The following VCP variants were observed in gnomAD, a reference collection of about 807,000 sequenced individuals.
The protein encoded by VCP is transitional endoplasmic reticulum ATPase.
Under a neutral mutation model 85.7 loss-of-function variants are expected in VCP, and 6 were observed. The observed-to-expected ratio is 0.07, with a 90% confidence interval of 0.04 to 0.14. The LOEUF is 0.14. VCP is among the 10% of genes least tolerant of loss of function. The pLI, the probability that VCP is intolerant of heterozygous loss-of-function variation, is 1.00. For synonymous variants in VCP, 384 were observed against 367.1 expected, an observed-to-expected ratio of 1.05 and a Z score of -0.53; for missense variants, 353 against 1,043.4, an observed-to-expected ratio of 0.34 and a Z score of 9.12.
At chr9:35,061,746 C>T in intron 9 of VCP, 57 bp from the exon 10 acceptor site, 1 of 1,499,398 alleles carries the variant, frequency 6.7e-7, no homozygotes, top group Non-Finnish European at 9.3e-7. Context: ...AGGTAAGAGA[C>T]AGGCCTAGGG....
In VCP at chr9:35,068,082, G is replaced by A. The variant is rs1294579654; in HGVS notation, c.130-19C>T. 1.2e-6 allele frequency: 2 copies of A among 1,614,158 alleles called. No homozygotes were observed. Among genetic ancestry groups the A allele is most frequent in the Non-Finnish European group, 1.7e-6 (2 of 1,180,042 alleles). ...TCTTGGGCTGAGGAAAGAAAGTTAA[G>A]GCCTTTGGGTCATTGGGCTGACGGG... On this transcript the variant is annotated intron_variant, in intron 2 of 16. Transcript: ENST00000358901.
In VCP at chr9:35,059,276, A is replaced by C. The variant is rs1828673706; in HGVS notation, c.2005-57T>G. The C allele has an allele frequency of 1.9e-6, 3 of 1,609,576 alleles. No individual in the cohort carries two copies. Among genetic ancestry groups the C allele is most frequent in the East Asian group, 2.2e-5 (1 of 44,798 alleles). On this transcript the variant is annotated intron_variant, in intron 14 of 16. Coordinates refer to ENST00000358901, the MANE Select transcript of VCP (RefSeq NM_007126.5). This position sits in a 1 kb window ranked among gnomAD's most constrained non-coding sequence, Gnocchi z 4.9. ...TAGCCTCTCCTCTCGAGATACGCAG[A>C]TCTTTGGGCTACCCGAGCACTCCCA... is the stretch of plus-strand genomic sequence containing the variant.
chr9:35,062,331 T>C lies in VCP; in HGVS notation c.831A>G (p.Lys277=). The change falls in exon 8 of 17, where the codon AAA becomes AAG. Residue 277 remains lysine (K), a synonymous_variant. Coordinates refer to ENST00000358901, the MANE Select transcript of VCP (RefSeq NM_007126.5). ...FLINGPEIMS[K]LAGESESNLR... is the part of the protein sequence containing the mutation. ...GGTTGCTCTCAGACTCACCAGCCAA[T>C]TTGCTCATGATCTCAGGACCTGAAA... 6.2e-7 allele frequency: 1 copy of C among 1,614,116 alleles called. No individual in the cohort carries two copies. Among genetic ancestry groups the C allele is most frequent in the Non-Finnish European group, 8.5e-7 (1 of 1,180,018 alleles).
chr9:35,072,140 G>A (rs749313890), intron 1 of VCP, 197 bp downstream of exon 1: 2 of 1,390,448 alleles, frequency 1.4e-6, no homozygotes, highest in Non-Finnish European at 9.3e-7. Context: ...GCCCCGCCTA[G>A]GGGGCGCGCG....
chr9:35,062,952 GACAT>G, intron 7 of VCP, 22 bp downstream of exon 7: 1 of 1,612,392 alleles, frequency 6.2e-7, no homozygotes, highest in East Asian at 2.2e-5. Flanking sequence ...GGTCTAGCTA[GACAT>G]AAGATGAACC....
At chr9:35,062,390 T>C (rs1828743936) in intron 7 of VCP, 40 bp from the exon 8 acceptor site, 1 of 1,613,544 alleles carries the variant, frequency 6.2e-7, no homozygotes, top group Admixed American at 1.7e-5. Flanking sequence ...AAAATGATAG[T>C]CTTTCCCAAT....
At chr9:35,066,524 G>A (rs1358179589) in intron 4 of VCP, 151 bp downstream of exon 4, 1 of 1,189,218 alleles carries the variant, frequency 8.4e-7, no homozygotes, top group African/African-American at 1.6e-5. Context: ...ACGGTGCCCA[G>A]CTGACCCCAT....
At chr9:35,072,067 G>A in intron 1 of VCP, 2 of 1,274,038 alleles carry the variant, frequency 1.6e-6, no homozygotes, top group African/African-American at 1.6e-5. Context: ...AGCCAATCGG[G>A]CGGGCCGGGG....
chr9:35,057,462 C>G lies in VCP; in HGVS notation c.2229G>C (p.Ala743=). The stretch of plus-strand genomic sequence containing the variant: ...TGTCATTGTCACTGACAGAACGGCG[C>G]GCAAAGCGCATGGCTTCTTCAAAGT... ...RDHFEEAMRF[A]RRSVSDNDIR... Residue 743 remains alanine, a synonymous_variant, in exon 16 of 17, where the codon GCG becomes GCC. Transcript: ENST00000358901. The G allele has an allele frequency of 6.2e-7, 1 of 1,614,164 alleles. No homozygotes were observed. The highest frequency in any genetic ancestry group is 8.5e-7 in the Non-Finnish European group (1 of 1,180,048).
At chr9:35,057,354 C>CT (rs1187446314) in intron 16 of VCP, 22 bp downstream of exon 16, 11 of 1,614,110 alleles carry the variant, frequency 6.8e-6, no homozygotes, top group Non-Finnish European at 9.3e-6. Context: ...TAAGCACTGT[C>CT]TAATGCTCCC....
At position 35,062,067 on chromosome 9, in the gene VCP, T is replaced by A. The variant is rs565534943; in HGVS notation, c.1017A>T (p.Ala339=). ...LTLMDGLKQR[A]HVIVMAATNR... ...TGGTTGCTGCCATAACAATCACATG[T>A]GCCCTCTGCTTTAGGCCATCCATGA... The change falls in exon 9 of 17, where the codon GCA becomes GCT. Residue 339 remains alanine (A), a synonymous_variant. Coordinates refer to ENST00000358901, the MANE Select transcript of VCP (RefSeq NM_007126.5). The A allele has an allele frequency of 2.5e-6, 4 of 1,614,062 alleles. No homozygotes were observed. Among genetic ancestry groups the A allele is most frequent in the Non-Finnish European group, 2.5e-6 (3 of 1,180,042 alleles).
At chr9:35,058,456 GTA>G (rs1236717350) in intron 15 of VCP, among the ~76,000 whole-genome samples, 1 of 152,182 alleles carries the variant, frequency 6.6e-6, no homozygotes, top group Admixed American at 6.5e-5. Flanking sequence ...TCAGGGATAA[GTA>G]TATGAGTCTC....
At chr9:35,065,516 A>T in intron 4 of VCP, 135 bp from the exon 5 acceptor site, 3 of 1,145,552 alleles carry the variant, frequency 2.6e-6, no homozygotes, top group Non-Finnish European at 3.8e-6. Flanking sequence ...ACCTCTCCCC[A>T]ACTCCACCCC....
At chr9:35,058,152 T>C (rs1223970935) in intron 15 of VCP, among the ~76,000 whole-genome samples, 1 of 152,182 alleles carries the variant, frequency 6.6e-6, no homozygotes, top group African/African-American at 2.4e-5. Flanking sequence ...ATCTCTTCCA[T>C]TGAGAGGCCA....
Position 35,065,340 on chromosome 9 carries a change from A to T in VCP, c.487T>A (p.Phe163Ile). The change falls in exon 5 of 17, where the codon TTC (phenylalanine) becomes ATC (isoleucine). Residue 163 changes from phenylalanine to isoleucine, a missense_variant. Physicochemically the swap from Phe to Ile is conservative, Grantham distance 21 (BLOSUM62 0). Coordinates refer to ENST00000358901, the MANE Select transcript of VCP (RefSeq NM_007126.5). ...LVRGGMRAVE[F>I]KVVETDPSPY... ...CTAGGATCTGTTTCCACCACTTTGA[A>T]CTCCACAGCACGCATCCCACCACGG... The T allele has an allele frequency of 1.2e-6, 2 of 1,614,012 alleles. No homozygotes were observed. The highest frequency in any genetic ancestry group is 1.7e-6 in the Non-Finnish European group (2 of 1,180,002).
intron 9 of VCP, 50 bp downstream of exon 9, chr9:35,061,953 A>G: frequency 6.2e-7 from 1 of 1,613,838 alleles, no homozygotes; most frequent in African/African-American, 1.3e-5. Context: ...GATGAAGGAG[A>G]GAAGTAGGAC....
Position 35,061,764 on chromosome 9 carries a change from C to A in VCP, c.1082-75G>T, listed in dbSNP as rs950744297. On this transcript the variant is annotated intron_variant, in intron 9 of 16. Coordinates refer to ENST00000358901, the MANE Select transcript of VCP (RefSeq NM_007126.5). The stretch of plus-strand genomic sequence containing the variant: ...TAAGAGACAGGCCTAGGGTGACCAA[C>A]CATCTCAGCCAGCACAGGATTGTCC... 5 of 1,406,052 alleles carry A rather than the reference C, an allele frequency of 3.6e-6. No individual in the cohort carries two copies. In the Admixed American group the frequency reaches 6.7e-5, roughly 19 times the overall value. 87.1% of individuals were successfully genotyped at this position (1,406,052 alleles called of 1,614,324 possible).
intron 9 of VCP, 105 bp from the exon 10 acceptor site, chr9:35,061,794 GC>G: frequency 7.3e-7 from 1 of 1,375,244 alleles, no homozygotes; most frequent in Non-Finnish European, 1.0e-6. Context: ...TTGTCCTAAT[GC>G]CAGCACTAAA....
At position 35,072,442 on chromosome 9, in the gene VCP, C is replaced by T; in HGVS notation, c.-89G>A. On this transcript the variant is annotated 5_prime_UTR_variant, in exon 1 of 17. Transcript: ENST00000358901. ...AGCGACCGACTGGGCCGGGGCTCGG[C>T]TCTTCCAGGCGGTGGGCGAGCAGCG... 7.2e-7 allele frequency: 1 copy of T among 1,382,084 alleles called. No individual in the cohort carries two copies. Among genetic ancestry groups the T allele is most frequent in the East Asian group, 3.0e-5 (1 of 32,854 alleles). 85.6% of individuals were successfully genotyped at this position (1,382,084 alleles called of 1,614,324 possible). A position where few individuals can be genotyped will look rare whatever the true frequency, so the allele number is the denominator to read the frequency against.
Sources: allele counts gnomAD v4.1 joint callset (sites outside exome capture counted in the v4.1 genomes callset), GRCh38; gene constraint gnomAD v4.1.1; non-coding constraint Gnocchi (gnomAD v3.1); transcripts MANE v1.5; gene names NCBI Gene and HGNC (gene_info 2026-07-23, HGNC 2026-07-21).